Variants in BICRAL observed in about 807,000 individuals in gnomAD.
The protein encoded by BICRAL is BRD4-interacting chromatin-remodeling complex-associated protein-like.
In BICRAL, 8 loss-of-function variants were observed where a neutral mutation model predicts 91.8. The ratio of observed to expected loss-of-function variants is 0.09; its 90% CI spans 0.05 to 0.16. The LOEUF is 0.16. Among genes scored for constraint, BICRAL ranks in the 10% least tolerant of loss-of-function variants. The pLI, the probability that BICRAL is intolerant of heterozygous loss-of-function variation, is 1.00. For missense variants in BICRAL, 1,038 were observed against 1,310.9 expected, an observed-to-expected ratio of 0.79 and a Z score of 3.21; for synonymous variants, 445 against 491.1, an observed-to-expected ratio of 0.91 and a Z score of 1.24.
At chr6:42,791,355 T>C (rs2113878505) in intron 1 of BICRAL, among the ~76,000 whole-genome samples, 1 of 152,316 alleles carries the variant, frequency 6.6e-6, no homozygotes, top group Non-Finnish European at 1.5e-5. Flanking sequence ...TTGGCTCTCT[T>C]ATCTTGCAAA....
Position 42,829,408 on chromosome 6 carries a change from A to G in BICRAL, c.1075A>G (p.Met359Val), listed in dbSNP as rs1764405811. 1.2e-6 allele frequency: 2 copies of G among 1,614,082 alleles called. No homozygotes were observed. Among genetic ancestry groups the G allele is most frequent in the South Asian group, 2.2e-5 (2 of 91,090 alleles). Reference sequence around the variant, plus strand: ...CCAGGGCTCAGTAGTTGGTCCACACATGTCTGTGAACATTGTAAACCAACA... The same window carrying G: ...CCAGGGCTCAGTAGTTGGTCCACACGTGTCTGTGAACATTGTAAACCAACA... ...SPQGSVVGPH[M>V]SVNIVNQQNT... The change falls in exon 6 of 13, where the codon ATG becomes GTG. Residue 359 changes from methionine to valine, a missense_variant. Met to Val is a conservative substitution (Grantham distance 21). Transcript: ENST00000314073.
intron 1 of BICRAL, among the ~76,000 whole-genome samples, chr6:42,806,707 G>T (rs1252419983): frequency 6.6e-6 from 1 of 151,324 alleles, no homozygotes; most frequent in Non-Finnish European, 1.5e-5. Flanking sequence ...TAGAGACAGG[G>T]TTTTGCCATG....
intron 1 of BICRAL, among the ~76,000 whole-genome samples, chr6:42,791,565 A>G (rs1002403318): frequency 6.6e-6 from 1 of 152,104 alleles, no homozygotes; most frequent in South Asian, 2.1e-4. Flanking sequence ...AATGAGGGGG[A>G]AAAGAAATAA....
At position 42,829,867 on chromosome 6, in the gene BICRAL, T is replaced by C. The variant is rs376148515; in HGVS notation, c.1534T>C (p.Ser512Pro). The C allele has an allele frequency of 2.5e-6, 4 of 1,614,066 alleles. No individual in the cohort carries two copies. The highest frequency in any genetic ancestry group is 3.4e-6 in the Non-Finnish European group (4 of 1,180,048). The part of the protein sequence containing the change: ...QQASPTVLHL[S>P]PGQSSVSQGR... ...GGCATCCCCAACTGTATTACACCTG[T>C]CACCTGGGCAGAGCAGCGTTTCCCA... is the stretch of plus-strand genomic sequence containing the variant. Residue 512 changes from serine to proline, a missense_variant, in exon 6 of 13, where the codon TCA (serine) becomes CCA (proline). Physicochemically the swap from Ser to Pro is moderately conservative, Grantham distance 74. Around this residue, in one of 5 missense-constraint regions of BICRAL, gnomAD observed 532 missense variants for 724.9 expected, o/e 0.73. Transcript: ENST00000314073.
At chr6:42,848,913 G>A (rs1562493065) in intron 6 of BICRAL, among the ~76,000 whole-genome samples, 1 of 152,156 alleles carries the variant, frequency 6.6e-6, no homozygotes, top group Non-Finnish European at 1.5e-5. Context: ...CTGTCCAGGT[G>A]TCCACCATAT....
At chr6:42,792,980 A>C (rs995909529) in intron 1 of BICRAL, among the ~76,000 whole-genome samples, 2 of 150,694 alleles carry the variant, frequency 1.3e-5, no homozygotes, top group African/African-American at 4.9e-5. Context: ...TTTGAGATGG[A>C]ATCTCACTCT....
intron 2 of BICRAL, among the ~76,000 whole-genome samples, chr6:42,812,429 C>CA (rs71547815): frequency 2.0e-3 from 296 of 150,980 alleles, no homozygotes; most frequent in African/African-American, 4.3e-3. Flanking sequence ...CCTGCCTCTT[C>CA]AAAAAAAATT....
At chr6:42,838,217 A>G (rs1764695327) in intron 6 of BICRAL, among the ~76,000 whole-genome samples, 1 of 152,188 alleles carries the variant, frequency 6.6e-6, no homozygotes, top group Admixed American at 6.5e-5. Context: ...GCCCTTTACA[A>G]AAACAGTTTT....
chr6:42,768,627 G>C (rs1036797029), intron 1 of BICRAL, among the ~76,000 whole-genome samples: 2 of 152,208 alleles, frequency 1.3e-5, no homozygotes, highest in Non-Finnish European at 2.9e-5. Flanking sequence ...CCAGGCCTCA[G>C]GGGACTCAGA....
intron 1 of BICRAL, among the ~76,000 whole-genome samples, chr6:42,755,213 G>A (rs1474386095): frequency 6.6e-6 from 1 of 152,086 alleles, no homozygotes; most frequent in Non-Finnish European, 1.5e-5. Flanking sequence ...GCAAATACTT[G>A]GAGAATGAAG....
Position 42,865,234 on chromosome 6 carries a change from A to C in BICRAL, c.3028A>C (p.Thr1010Pro). 6.2e-7 allele frequency: 1 copy of C among 1,614,140 alleles called. No individual in the cohort carries two copies. Among genetic ancestry groups the C allele is most frequent in the Non-Finnish European group, 8.5e-7 (1 of 1,180,002 alleles). The change falls in exon 13 of 13, where the codon ACA becomes CCA. Residue 1010 changes from threonine to proline, a missense_variant. Thr to Pro is a conservative substitution (Grantham distance 38, BLOSUM62 -1). Coordinates refer to ENST00000314073, the MANE Select transcript of BICRAL (RefSeq NM_001393499.1). ...CCAGCTGACAAAGAGCTTGGAAACC[A>C]CATTTAAGAACATCTTGGAACTCAA... ...DLQLTKSLETTFKNILELKKA... is the reference protein window; with the variant it reads ...DLQLTKSLETPFKNILELKKA...
At chr6:42,789,317 T>A (rs1415100303) in intron 1 of BICRAL, among the ~76,000 whole-genome samples, 1 of 152,152 alleles carries the variant, frequency 6.6e-6, no homozygotes, top group African/African-American at 2.4e-5. Context: ...ATGGTTAAAA[T>A]TGTAAATCTT....
intron 1 of BICRAL, among the ~76,000 whole-genome samples, chr6:42,806,174 G>T (rs1763700792): frequency 6.6e-6 from 1 of 152,176 alleles, no homozygotes; most frequent in African/African-American, 2.4e-5. Flanking sequence ...AGTTTGGAGA[G>T]TTGGAGCCTC....
chr6:42,849,034 T>C (rs900256147), intron 6 of BICRAL, among the ~76,000 whole-genome samples: 11 of 152,126 alleles, frequency 7.2e-5, no homozygotes, highest in Non-Finnish European at 1.3e-4. Flanking sequence ...TTCTTCCTAA[T>C]AATTCATTGC....
intron 5 of BICRAL, among the ~76,000 whole-genome samples, chr6:42,827,186 G>A (rs998731983): frequency 2.0e-5 from 3 of 152,180 alleles, no homozygotes; most frequent in Admixed American, 2.0e-4. Flanking sequence ...ATGGTGCTCA[G>A]TAAATATTAA....
At chr6:42,794,965 A>AT (rs1202987425) in intron 1 of BICRAL, among the ~76,000 whole-genome samples, 1 of 151,510 alleles carries the variant, frequency 6.6e-6, no homozygotes, top group Admixed American at 6.6e-5. Flanking sequence ...CCATCTCAAA[A>AT]AAAAAAAAGA....
At chr6:42,811,000 C>T (rs190499066) in intron 2 of BICRAL, among the ~76,000 whole-genome samples, 30 of 152,242 alleles carry the variant, frequency 2.0e-4, no homozygotes, top group African/African-American at 6.3e-4. Context: ...TAATCTCTGC[C>T]GATGAACTCA....
intron 1 of BICRAL, among the ~76,000 whole-genome samples, chr6:42,786,284 T>C (rs1763101886): frequency 1.3e-5 from 2 of 152,202 alleles, no homozygotes; most frequent in South Asian, 4.1e-4. Flanking sequence ...TATGTCCACA[T>C]TGGAAAGTTT....
chr6:42,805,951 G>A (rs934754109), intron 1 of BICRAL, among the ~76,000 whole-genome samples: 4 of 151,600 alleles, frequency 2.6e-5, no homozygotes, highest in Middle Eastern at 6.8e-3. Flanking sequence ...GCAGTGAGTC[G>A]AGATCATGCC....
Sources: gnomAD v4.1 joint callset for allele counts (sites outside exome capture counted in the v4.1 genomes callset) on GRCh38, gnomAD v4.1.1 for gene constraint, gnomAD v4.1.1 regional missense constraint, MANE v1.5 for transcripts, NCBI Gene and HGNC (gene_info 2026-07-23, HGNC 2026-07-21) for gene names.